Variants in SPNS3 observed in about 807,000 individuals in gnomAD.
The protein encoded by SPNS3 is SPNS lysolipid transporter 3, sphingosine-1-phosphate (putative), also known as protein spinster homolog 3.
A neutral mutation model predicts 54.4 loss-of-function variants in SPNS3; 51 were observed. The ratio of observed to expected loss-of-function variants is 0.94; its 90% CI spans 0.75 to 1.18. SPNS3 has a LOEUF of 1.18. Ranked by LOEUF, SPNS3 falls within the 50% of genes most tolerant of loss-of-function variation. SPNS3 has a pLI of 0.00. For synonymous variants in SPNS3, 309 were observed against 294.7 expected, an observed-to-expected ratio of 1.05 and a Z score of -0.50; for missense variants, 669 against 677.4, an observed-to-expected ratio of 0.99 and a Z score of 0.14.
In SPNS3 at chr17:4,482,122, A is replaced by AAG. The variant is rs1045463747; in HGVS notation, c.1179+3485_1179+3486insAG. On this transcript the variant is annotated intron_variant, in intron 9 of 11. Coordinates refer to ENST00000355530, the MANE Select transcript of SPNS3 (RefSeq NM_182538.5). ...AGGATGGTCTCGATCTCTTGACCTCATGATCCGCCCCCCTTGGCCTCCCAG... is the reference window on the plus strand; with the variant it reads ...AGGATGGTCTCGATCTCTTGACCTCAAGTGATCCGCCCCCCTTGGCCTCCCAG... 7.2e-5 allele frequency: 11 copies of AAG among 152,282 alleles called. No individual in the cohort carries two copies. In the East Asian group the frequency reaches 1.2e-3, roughly 16 times the overall value. The allele number at this position is 152,282 out of a possible 1,614,324, so 9.4% of individuals were successfully genotyped here. A position where few individuals can be genotyped will look rare whatever the true frequency, so the allele number is the denominator to read the frequency against.
chr17:4,434,744 G>T lies in SPNS3; in HGVS notation c.199+578G>T, dbSNP rs901838593. 4.0e-5 allele frequency among the ~76,000 whole-genome samples: 6 copies of T among 151,628 alleles called. No homozygotes were observed. In the East Asian group the frequency reaches 1.2e-3, roughly 30 times the overall value. ...GCTGGTCTCGAACTCCTGACCTCAG[G>T]TGATCCACCCGCCTCGGCCTCCCAA... On this transcript the variant is annotated intron_variant, in intron 1 of 11. Transcript: ENST00000355530.
intron 8 of SPNS3, among the ~76,000 whole-genome samples, chr17:4,470,498 G>A (rs1031129525): frequency 2.6e-5 from 4 of 152,024 alleles, no homozygotes; most frequent in Admixed American, 6.5e-5. Flanking sequence ...CTGGTTTTTC[G>A]TACATTCACA....
chr17:4,434,379 G>C (rs1970661043), intron 1 of SPNS3, among the ~76,000 whole-genome samples: 1 of 152,236 alleles, frequency 6.6e-6, no homozygotes. Flanking sequence ...AGGGACACAG[G>C]CTGGGCATGG....
chr17:4,481,318 G>A (rs1485630708), intron 9 of SPNS3, among the ~76,000 whole-genome samples: 2 of 152,006 alleles, frequency 1.3e-5, no homozygotes, highest in East Asian at 3.9e-4. Context: ...GGAAGTGTGT[G>A]GGGACAGGGT....
At position 4,444,990 on chromosome 17, in the gene SPNS3, G is replaced by A. The variant is rs200749624; in HGVS notation, c.266-42G>A. 73 of 1,581,244 alleles carry A rather than the reference G, an allele frequency of 4.6e-5. No homozygotes were observed. In the South Asian group the frequency reaches 5.3e-4, roughly 11 times the overall value. The stretch of plus-strand genomic sequence containing the variant: ...CCTGCTGGGCCATCTGCCCTGCCAC[G>A]GTCGTGGGGGGATCCAGGCTGCCCC... On this transcript the variant is annotated intron_variant, in intron 2 of 11. Transcript: ENST00000355530.
chr17:4,457,556 G>A (rs1409269591), intron 8 of SPNS3, among the ~76,000 whole-genome samples: 1 of 152,234 alleles, frequency 6.6e-6, no homozygotes, highest in African/African-American at 2.4e-5. Flanking sequence ...TGGCTGGTGG[G>A]AGCTGATGGG....
At chr17:4,455,316 A>T (rs1288964969) in intron 8 of SPNS3, among the ~76,000 whole-genome samples, 4 of 152,138 alleles carry the variant, frequency 2.6e-5, no homozygotes, top group Non-Finnish European at 5.9e-5. Flanking sequence ...AACATCCCTG[A>T]CATCTCCCCT....
At chr17:4,458,416 TTTC>T (rs1361643632) in intron 8 of SPNS3, among the ~76,000 whole-genome samples, 4 of 145,538 alleles carry the variant, frequency 2.7e-5, no homozygotes, top group Non-Finnish European at 6.1e-5. Flanking sequence ...CCATTTTCTT[TTTC>T]TTCTTTCTTT....
Position 4,434,087 on chromosome 17 carries a change from C to T in SPNS3, c.120C>T (p.Pro40=). The change falls in exon 1 of 12, where the codon CCC becomes CCT. Residue 40 remains proline, a synonymous_variant. Coordinates refer to ENST00000355530, the MANE Select transcript of SPNS3 (RefSeq NM_182538.5). Reference sequence around the variant, plus strand: ...TCACGCCCACCTCCTGGAGCCTGCCCCCGTGGAGGGCCTACGTGGCTGCCG... The same window carrying T: ...TCACGCCCACCTCCTGGAGCCTGCCTCCGTGGAGGGCCTACGTGGCTGCCG... ...PPITPTSWSL[P]PWRAYVAAAV... is the part of the protein sequence containing the mutation. The T allele has an allele frequency of 6.2e-7, 1 of 1,612,320 alleles. No homozygotes were observed. The highest frequency in any genetic ancestry group is 8.5e-7 in the Non-Finnish European group (1 of 1,179,314).
At chr17:4,446,871 C>T in intron 4 of SPNS3, 25 bp from the exon 5 acceptor site, 4 of 1,612,238 alleles carry the variant, frequency 2.5e-6, no homozygotes, top group Middle Eastern at 1.7e-4. Context: ...CCTCACAGCC[C>T]ATCGCCCCTG....
At chr17:4,481,435 G>A (rs1972148123) in intron 9 of SPNS3, among the ~76,000 whole-genome samples, 1 of 152,160 alleles carries the variant, frequency 6.6e-6, no homozygotes, top group African/African-American at 2.4e-5. Context: ...GGAGGCCTTA[G>A]GGTGTGTGTG....
Position 4,483,161 on chromosome 17 carries a change from T to C in SPNS3, c.1180-3067T>C, listed in dbSNP as rs1248951988. Among the ~76,000 whole-genome samples, 1 of 152,134 alleles carries C rather than the reference T, an allele frequency of 6.6e-6. No individual in the cohort carries two copies. Among genetic ancestry groups the C allele is most frequent in the Non-Finnish European group, 1.5e-5 (1 of 68,022 alleles). On this transcript the variant is annotated intron_variant, in intron 9 of 11. Transcript: ENST00000355530. This position sits in a 1 kb window ranked among gnomAD's most constrained non-coding sequence, Gnocchi z 4.2. ...CTCAGGGGCGTCTGGGGGCGAGGCCTGGGTGGGGGTGCAGGAGGCAGGCTG... is the reference window on the plus strand; with the variant it reads ...CTCAGGGGCGTCTGGGGGCGAGGCCCGGGTGGGGGTGCAGGAGGCAGGCTG...
chr17:4,466,128 C>T (rs1171025177), intron 8 of SPNS3, among the ~76,000 whole-genome samples: 1 of 152,246 alleles, frequency 6.6e-6, no homozygotes, highest in Non-Finnish European at 1.5e-5. Context: ...CAGCAATGTC[C>T]ACTCACTTAT....
intron 8 of SPNS3, among the ~76,000 whole-genome samples, chr17:4,456,314 C>T (rs1377832536): frequency 1.3e-5 from 2 of 152,106 alleles, no homozygotes; most frequent in Admixed American, 6.6e-5. Context: ...CAGTGGGGGG[C>T]CAAATGGGAT....
chr17:4,473,368 A>G (rs4080245), intron 8 of SPNS3, among the ~76,000 whole-genome samples: 85,501 of 149,928 alleles, frequency 0.57, 24,800 homozygotes, highest in Admixed American at 0.65. Context: ...CTTTAGATCC[A>G]GGAGAGGACA....
intron 11 of SPNS3, among the ~76,000 whole-genome samples, chr17:4,487,572 A>T (rs1972356277): frequency 6.6e-6 from 1 of 152,250 alleles, no homozygotes; most frequent in African/African-American, 2.4e-5. Context: ...TGTTGAGAAC[A>T]GACTGTAGGA....
In SPNS3 at chr17:4,483,095, G is replaced by GC. The variant is rs1972216052; in HGVS notation, c.1180-3127dup. ...CTCCATGCTTCCCTGCTCAGCCTCT[G>GC]CCCCCCAGGTAGCTGTCTGCTCACT... On this transcript the variant is annotated intron_variant, in intron 9 of 11. Coordinates refer to ENST00000355530, the MANE Select transcript of SPNS3 (RefSeq NM_182538.5). This position sits in a 1 kb window ranked among gnomAD's most constrained non-coding sequence, Gnocchi z 4.2. Among the ~76,000 whole-genome samples the GC allele has an allele frequency of 6.6e-6, 1 of 152,094 alleles. No homozygotes were observed. Among genetic ancestry groups the GC allele is most frequent in the African/African-American group, 2.4e-5 (1 of 41,402 alleles).
At chr17:4,474,662 C>T (rs1042873718) in intron 8 of SPNS3, among the ~76,000 whole-genome samples, 3 of 152,164 alleles carry the variant, frequency 2.0e-5, no homozygotes, top group Non-Finnish European at 4.4e-5. Context: ...CGCACATCCA[C>T]TCTTGTGCAT....
At chr17:4,469,929 C>T (rs1281522863) in intron 8 of SPNS3, among the ~76,000 whole-genome samples, 1 of 152,058 alleles carries the variant, frequency 6.6e-6, no homozygotes, top group Non-Finnish European at 1.5e-5. Flanking sequence ...AAGAAAATAA[C>T]CGTTATTCAC....
Sources: allele counts gnomAD v4.1 joint callset (sites outside exome capture counted in the v4.1 genomes callset), GRCh38; gene constraint gnomAD v4.1.1; non-coding constraint Gnocchi (gnomAD v3.1); transcripts MANE v1.5; gene names NCBI Gene and HGNC (gene_info 2026-07-23, HGNC 2026-07-21).